DNAH6: variants seen among roughly 807,000 people sequenced by gnomAD.
DNAH6 encodes axonemal beta dynein heavy chain 6.
In DNAH6, 340 loss-of-function variants were observed where a neutral mutation model predicts 491.4. The ratio of observed to expected loss-of-function variants is 0.69; its 90% confidence interval spans 0.63 to 0.76. The LOEUF (loss-of-function observed/expected upper bound fraction) is 0.76, where lower values mean the gene tolerates loss of function less well. Among genes scored for constraint, DNAH6 ranks in the 30% least tolerant of loss-of-function variants. DNAH6 has a pLI of 0.00. For synonymous variants in DNAH6, 1,603 were observed against 1,686.1 expected (o/e 0.95, Z 1.21); for missense variants, 4,443 against 4,972.2 (o/e 0.89, Z 3.20).
chr2:84,511,827 AT>A (rs1307258893), upstream of DNAH6, among the ~76,000 whole-genome samples: 3 of 151,380 alleles, frequency 2.0e-5, no homozygotes, highest in African/African-American at 7.4e-5. Context: ...TACATTTATG[AT>A]TTTTTTATGT....
At chr2:84,747,335 G>A (rs1319502819) in intron 63 of DNAH6, among the ~76,000 whole-genome samples, 1 of 152,196 alleles carries the variant, frequency 6.6e-6, no homozygotes, top group African/African-American at 2.4e-5. Context: ...TTTGGGCATT[G>A]GGTAAACATT....
chr2:84,547,735 G>C (rs773346429), intron 7 of DNAH6, 123 bp downstream of exon 7: 1 of 1,021,366 alleles, frequency 9.8e-7, no homozygotes, highest in Middle Eastern at 2.8e-4. Flanking sequence ...CCAAACATTT[G>C]ATGGATATTA....
intron 67 of DNAH6, 92 bp from the exon 68 acceptor site, chr2:84,787,072 T>C (rs1310495773): frequency 1.9e-6 from 2 of 1,033,130 alleles, no homozygotes; most frequent in East Asian, 5.5e-5. Context: ...GGATGCCCAT[T>C]TTCAATGGAA....
At chr2:84,716,211 A>G (rs1305811421) in intron 58 of DNAH6, among the ~76,000 whole-genome samples, 1 of 150,658 alleles carries the variant, frequency 6.6e-6, no homozygotes, top group Non-Finnish European at 1.5e-5. Context: ...ATGTGATTAA[A>G]TCCCTATTTC....
chr2:84,709,819 G>A (rs1696863983), intron 55 of DNAH6, among the ~76,000 whole-genome samples: 1 of 152,164 alleles, frequency 6.6e-6, no homozygotes, highest in Non-Finnish European at 1.5e-5. Context: ...TTCTGTGAGG[G>A]CAGAAATCCA....
At chr2:84,478,673 A>G in the DNAH6 span, among the ~76,000 whole-genome samples, 1 of 152,138 alleles carries the variant, frequency 6.6e-6, no homozygotes, top group African/African-American at 2.4e-5. Flanking sequence ...GGGACCAAGC[A>G]TGTTGAAAGG....
At chr2:84,779,985 G>A (rs1302517691) in intron 64 of DNAH6, among the ~76,000 whole-genome samples, 1 of 152,176 alleles carries the variant, frequency 6.6e-6, no homozygotes, top group African/African-American at 2.4e-5. Context: ...GGCTTGTAAT[G>A]TTTTTGCTGA....
intron 64 of DNAH6, among the ~76,000 whole-genome samples, chr2:84,776,634 A>G (rs912735451): frequency 6.6e-6 from 1 of 152,220 alleles, no homozygotes; most frequent in Non-Finnish European, 1.5e-5. Flanking sequence ...GAACTAGTTT[A>G]CAGTCCCACC....
chr2:84,803,545 AAATT>A (rs1355175378), intron 70 of DNAH6, among the ~76,000 whole-genome samples: 1 of 151,816 alleles, frequency 6.6e-6, no homozygotes, highest in Non-Finnish European at 1.5e-5. Flanking sequence ...ATTATCTTAT[AAATT>A]AATAATAAAT....
intron 42 of DNAH6, 121 bp downstream of exon 42, chr2:84,681,649 C>T (rs1693784077): frequency 1.2e-6 from 1 of 830,546 alleles, no homozygotes; most frequent in Non-Finnish European, 1.7e-6. Context: ...ATCCCATCAC[C>T]TGTTCCTATT....
At position 84,631,334 on chromosome 2, in the gene DNAH6, G is replaced by A. The variant is rs145160715; in HGVS notation, c.4516-3170G>A. ...TTACCAATGACAGCCTCAGCCTCCT[G>A]TATAATGTTATTATTATATCCATCA... On this transcript the variant is annotated intron_variant, in intron 29 of 76. Transcript: ENST00000389394. 1.6e-3 allele frequency among the ~76,000 whole-genome samples: 240 copies of A among 152,250 alleles called. 2 individuals carry two copies. The highest frequency in any genetic ancestry group is 5.5e-3 in the African/African-American group (228 of 41,544).
chr2:84,518,428 T>C (rs149800716), intron 2 of DNAH6, among the ~76,000 whole-genome samples: 35 of 152,364 alleles, frequency 2.3e-4, no homozygotes, highest in African/African-American at 8.4e-4. Flanking sequence ...TCAAAGTACA[T>C]GCCTTTGTAT....
At chr2:84,549,826 ACT>A in intron 8 of DNAH6, 61 bp from the exon 9 acceptor site, 1 of 1,186,916 alleles carries the variant, frequency 8.4e-7, no homozygotes, top group Non-Finnish European at 1.2e-6. Context: ...CTTTAGAGAC[ACT>A]GTCAAAAATA....
intron 63 of DNAH6, among the ~76,000 whole-genome samples, chr2:84,752,672 T>A (rs919068707): frequency 1.3e-5 from 2 of 152,018 alleles, no homozygotes; most frequent in African/African-American, 2.4e-5. Context: ...CTATTCTGTT[T>A]TTTTTGTATC....
rs1325487098 is a variant in DNAH6, at chr2:84,544,307, A to G, written c.737A>G (p.Asn246Ser). Residue 246 changes from asparagine to serine, a missense_variant, in exon 5 of 77, where the codon AAT becomes AGT. Physicochemically the swap from Asn to Ser is conservative, Grantham distance 46. Coordinates refer to ENST00000389394, the MANE Select transcript of DNAH6 (RefSeq NM_001370.2). ...CAAAGGGCAGTAACACACATTTATA[A>G]TGAAGACATTGAATTTATCGAAATT... ...ISQRAVTHIY[N>S]EDIEFIEIDR... 1.3e-6 allele frequency: 2 copies of G among 1,533,708 alleles called. No homozygotes were observed. Among genetic ancestry groups the G allele is most frequent in the Admixed American group, 3.9e-5 (2 of 50,960 alleles).
At chr2:84,570,172 A>G (rs887076820) in intron 11 of DNAH6, among the ~76,000 whole-genome samples, 11 of 152,216 alleles carry the variant, frequency 7.2e-5, no homozygotes, top group African/African-American at 2.7e-4. Context: ...TAAAAAAATA[A>G]GAACATGCCC....
intron 64 of DNAH6, among the ~76,000 whole-genome samples, chr2:84,773,370 C>A (rs929650789): frequency 1.3e-5 from 2 of 152,026 alleles, no homozygotes; most frequent in African/African-American, 2.4e-5. Flanking sequence ...CCAGCTGCAT[C>A]CATGTTGCTG....
At chr2:84,785,892 T>TCAA in intron 67 of DNAH6, 136 bp downstream of exon 67, 1 of 889,692 alleles carries the variant, frequency 1.1e-6, no homozygotes, top group African/African-American at 1.7e-5. Flanking sequence ...CCCAAGTTGT[T>TCAA]TTCATTCAAT....
intron 21 of DNAH6, among the ~76,000 whole-genome samples, chr2:84,608,029 C>T (rs180818579): frequency 6.6e-6 from 1 of 152,176 alleles, no homozygotes; most frequent in Non-Finnish European, 1.5e-5. Flanking sequence ...GTCATTTCAA[C>T]AATGTTTATA....
Sources: allele counts gnomAD v4.1 joint callset (sites outside exome capture counted in the v4.1 genomes callset), GRCh38; gene constraint gnomAD v4.1.1; transcripts MANE v1.5; gene names NCBI Gene and HGNC (gene_info 2026-07-23, HGNC 2026-07-21).